EPDR1: variants seen among roughly 807,000 people sequenced by gnomAD.
EPDR1 encodes the protein mammalian ependymin-related protein 1.
EPDR1 carries 27 observed loss-of-function variants against 23.7 expected under a neutral mutation model. The ratio of observed to expected loss-of-function variants is 1.14; its 90% CI spans 0.84 to 1.57. The LOEUF (loss-of-function observed/expected upper bound fraction) is 1.57, where lower values mean the gene tolerates loss of function less well. EPDR1 is among the 40% of genes most tolerant of loss of function. The probability of loss-of-function intolerance (pLI) is 0.00; values close to 1 mark genes in which losing one functional copy is unlikely to be tolerated. For missense variants in EPDR1, 349 were observed against 290.4 expected (o/e 1.20, Z -1.47); for synonymous variants, 137 against 118.2 (o/e 1.16, Z -1.03).
chr7:37,944,036 T>C (rs1037866924), intron 1 of EPDR1, among the ~76,000 whole-genome samples: 1 of 152,174 alleles, frequency 6.6e-6, no homozygotes, highest in Non-Finnish European at 1.5e-5. Flanking sequence ...CATGGAGCAC[T>C]GGAGTCCTCA....
At chr7:37,923,762 T>C (rs1785760617) in intron 1 of EPDR1, among the ~76,000 whole-genome samples, 1 of 152,164 alleles carries the variant, frequency 6.6e-6, no homozygotes, top group Non-Finnish European at 1.5e-5. Flanking sequence ...TTGGGTAAGT[T>C]AATAAAGCTT....
At chr7:37,943,356 C>T (rs1294912985) in intron 1 of EPDR1, among the ~76,000 whole-genome samples, 4 of 152,208 alleles carry the variant, frequency 2.6e-5, no homozygotes, top group African/African-American at 4.8e-5. Flanking sequence ...CTTGGGTCCA[C>T]GGGTTATTCC....
rs1362788650 is a variant in EPDR1 at position 37,921,439 on chromosome 7, G to A, written c.269+231G>A. 6 of 1,384,204 alleles carry A rather than the reference G, an allele frequency of 4.3e-6. No homozygotes were observed. The African/African-American group carries it at 4.6e-5, about 11-fold the overall frequency. The allele number at this position is 1,384,204 out of a possible 1,614,324, so 85.7% of individuals were successfully genotyped here. Reference sequence around the variant, plus strand: ...GGCGGGGGACTCAGTAACACCCAGCGAGGCGGTGGCAGGTAAAGAAGGGAC... The same window carrying A: ...GGCGGGGGACTCAGTAACACCCAGCAAGGCGGTGGCAGGTAAAGAAGGGAC... On this transcript the variant is annotated intron_variant, in intron 1 of 2. Coordinates refer to ENST00000199448, the MANE Select transcript of EPDR1 (RefSeq NM_017549.5).
At chr7:37,943,239 G>T (rs1379086226) in intron 1 of EPDR1, among the ~76,000 whole-genome samples, 1 of 152,228 alleles carries the variant, frequency 6.6e-6, no homozygotes, top group Non-Finnish European at 1.5e-5. Context: ...GCTTGACTGT[G>T]CCCCAGCGGG....
chr7:37,946,687 C>A (rs1262576174), intron 1 of EPDR1, among the ~76,000 whole-genome samples: 1 of 152,136 alleles, frequency 6.6e-6, no homozygotes, highest in African/African-American at 2.4e-5. Flanking sequence ...GCCCTGACAG[C>A]CTTCCAGTGG....
At chr7:37,927,815 C>T (rs191321511) in intron 1 of EPDR1, among the ~76,000 whole-genome samples, 2 of 152,298 alleles carry the variant, frequency 1.3e-5, no homozygotes, top group Non-Finnish European at 2.9e-5. Flanking sequence ...TTTACTCCAT[C>T]ATTTTGGTCT....
At chr7:37,937,300 A>G (rs192114986) in intron 1 of EPDR1, among the ~76,000 whole-genome samples, 208 of 152,354 alleles carry the variant, frequency 1.4e-3, no homozygotes, top group African/African-American at 4.9e-3. Context: ...ATGATAGAAA[A>G]CATGATGCAT....
At chr7:37,924,561 G>A (rs972517285) in intron 1 of EPDR1, among the ~76,000 whole-genome samples, 1 of 152,160 alleles carries the variant, frequency 6.6e-6, no homozygotes, top group Non-Finnish European at 1.5e-5. Flanking sequence ...AACTCTTGCT[G>A]GCTTAGAAGC....
intron 1 of EPDR1, among the ~76,000 whole-genome samples, chr7:37,943,958 A>C (rs1786221184): frequency 6.6e-6 from 1 of 152,182 alleles, no homozygotes; most frequent in Admixed American, 6.5e-5. Context: ...GTGGCCCTTG[A>C]TGCCACACAG....
chr7:37,936,023 T>TACACAC (rs1287919618), intron 1 of EPDR1, among the ~76,000 whole-genome samples: 14 of 99,570 alleles, frequency 1.4e-4, no homozygotes, highest in Non-Finnish European at 2.4e-4. Context: ...TATATATATA[T>TACACAC]ATATATATAT....
At chr7:37,931,277 G>A (rs1402513226) in intron 1 of EPDR1, among the ~76,000 whole-genome samples, 1 of 152,168 alleles carries the variant, frequency 6.6e-6, no homozygotes, top group East Asian at 1.9e-4. Flanking sequence ...ACTTTGGGAG[G>A]CCGAGGCGGG....
chr7:37,950,743 G>A lies in EPDR1; in HGVS notation c.*347G>A. 5.0e-6 allele frequency: 1 copy of A among 200,512 alleles called. No homozygotes were observed. Among genetic ancestry groups the A allele is most frequent in the Non-Finnish European group, 1.0e-5 (1 of 100,502 alleles). The allele number at this position is 200,512 out of a possible 1,614,324, so 12.4% of individuals were successfully genotyped here. ...GGGTCAGTAAGAGAAGTTTGCCTTG[G>A]CAGCAAGTATTTATTGTTGACATTA... On this transcript the variant is annotated 3_prime_UTR_variant, in exon 3 of 3. Coordinates refer to ENST00000199448, the MANE Select transcript of EPDR1 (RefSeq NM_017549.5).
At chr7:37,929,800 T>C (rs1785893803) in intron 1 of EPDR1, among the ~76,000 whole-genome samples, 2 of 152,180 alleles carry the variant, frequency 1.3e-5, no homozygotes, top group Non-Finnish European at 2.9e-5. Flanking sequence ...CCCAAACTCC[T>C]TTCGCCCATG....
intron 1 of EPDR1, among the ~76,000 whole-genome samples, chr7:37,942,954 T>C (rs963855472): frequency 6.6e-6 from 1 of 152,224 alleles, no homozygotes; most frequent in Non-Finnish European, 1.5e-5. Context: ...TTGTCCCATA[T>C]GGTGAGAAGC....
chr7:37,931,813 C>G (rs1486420200), intron 1 of EPDR1, among the ~76,000 whole-genome samples: 2 of 152,132 alleles, frequency 1.3e-5, no homozygotes, highest in Non-Finnish European at 2.9e-5. Flanking sequence ...ATTCTCCTGC[C>G]TTAGCCTCCC....
At chr7:37,934,804 G>T (rs1786016259) in intron 1 of EPDR1, among the ~76,000 whole-genome samples, 1 of 152,074 alleles carries the variant, frequency 6.6e-6, no homozygotes, top group African/African-American at 2.4e-5. Context: ...AAATGTCCAG[G>T]TATGGTGGCA....
At chr7:37,948,792 G>A in intron 1 of EPDR1, 48 bp from the exon 2 acceptor site, 1 of 1,487,996 alleles carries the variant, frequency 6.7e-7, no homozygotes, top group East Asian at 2.3e-5. Flanking sequence ...AAAGGCACGA[G>A]GATGGTAACA....
chr7:37,938,690 C>T (rs937793968), intron 1 of EPDR1, among the ~76,000 whole-genome samples: 8 of 152,148 alleles, frequency 5.3e-5, no homozygotes, highest in Admixed American at 1.3e-4. Flanking sequence ...AGGATTGTAG[C>T]GGTAAAGCCA....
chr7:37,938,229 A>T (rs1408213665), intron 1 of EPDR1, among the ~76,000 whole-genome samples: 7 of 151,870 alleles, frequency 4.6e-5, no homozygotes, highest in Non-Finnish European at 8.8e-5. Context: ...TTACCTTGTG[A>T]TCCGCCTGCC....
Sources: gnomAD v4.1 joint callset for allele counts (sites outside exome capture counted in the v4.1 genomes callset) on GRCh38, gnomAD v4.1.1 for gene constraint, MANE v1.5 for transcripts, NCBI Gene and HGNC (gene_info 2026-07-23, HGNC 2026-07-21) for gene names.